ZNF536: variants seen among roughly 807,000 people sequenced by gnomAD.
ZNF536 encodes zinc finger protein 536.
A neutral mutation model predicts 84.5 loss-of-function variants in ZNF536; 13 were observed. The ratio of observed to expected loss-of-function variants is 0.15; its 90% CI spans 0.10 to 0.24. ZNF536 has a LOEUF of 0.24. Among genes scored for constraint, ZNF536 ranks in the 10% least tolerant of loss-of-function variants. The probability of loss-of-function intolerance (pLI) is 1.00; values close to 1 mark genes in which losing one functional copy is unlikely to be tolerated. For synonymous variants in ZNF536, 811 were observed against 742.5 expected (o/e 1.09, Z -1.50); for missense variants, 1,536 against 1,747.5 (o/e 0.88, Z 2.16).
chr19:30,639,165 C>T (rs967084935), intron 1 of ZNF536, among the ~76,000 whole-genome samples: 13 of 152,082 alleles, frequency 8.5e-5, no homozygotes, highest in African/African-American at 3.1e-4. Flanking sequence ...TCAGACATGG[C>T]GTATACAAAT....
chr19:30,344,319 A>C (rs2047668973), intron 2 of ZNF536, among the ~76,000 whole-genome samples: 1 of 143,664 alleles, frequency 7.0e-6, no homozygotes, highest in Admixed American at 7.2e-5. Flanking sequence ...GGCCTCCTAT[A>C]ATCCCAGCTA....
intron 4 of ZNF536, among the ~76,000 whole-genome samples, chr19:30,550,300 G>A (rs1034920252): frequency 6.6e-6 from 1 of 152,204 alleles, no homozygotes; most frequent in East Asian, 1.9e-4. Context: ...AGGAATTCCA[G>A]ATTTCCGAAC....
intron 1 of ZNF536, among the ~76,000 whole-genome samples, chr19:30,251,463 T>G (rs1349176109): frequency 6.6e-6 from 1 of 152,172 alleles, no homozygotes; most frequent in East Asian, 1.9e-4. Context: ...TCACTAGTGT[T>G]CCTGCTGATG....
intron 1 of ZNF536, among the ~76,000 whole-genome samples, chr19:30,650,452 T>C (rs866243315): frequency 5.3e-5 from 8 of 152,210 alleles, no homozygotes; most frequent in African/African-American, 1.9e-4. Context: ...CCTGAAAATA[T>C]CTGTTTTTGT....
intron 1 of ZNF536, among the ~76,000 whole-genome samples, chr19:30,266,616 A>T (rs931907752): frequency 1.3e-5 from 2 of 152,106 alleles, no homozygotes; most frequent in South Asian, 2.1e-4. Context: ...TAAAAAGAAA[A>T]TTTTTTTAAG....
intron 1 of ZNF536, among the ~76,000 whole-genome samples, chr19:30,661,178 G>C (rs1424718086): frequency 6.6e-6 from 1 of 152,198 alleles, no homozygotes; most frequent in African/African-American, 2.4e-5. Context: ...TCAATTCAAA[G>C]GAAATCTTTT....
intron 3 of ZNF536, among the ~76,000 whole-genome samples, chr19:30,539,147 G>C (rs56735974): frequency 0.017 from 2,510 of 152,060 alleles, 77 homozygotes; most frequent in African/African-American, 0.057. Flanking sequence ...ACGCACACAG[G>C]AGATTTATAA....
chr19:30,231,838 G>A (rs2023076742), intron 1 of ZNF536, among the ~76,000 whole-genome samples: 1 of 152,134 alleles, frequency 6.6e-6, no homozygotes. Flanking sequence ...GTCTGTGTGT[G>A]CTGGGGAAGG....
At chr19:30,251,425 T>C (rs922335726) in intron 1 of ZNF536, among the ~76,000 whole-genome samples, 1 of 152,160 alleles carries the variant, frequency 6.6e-6, no homozygotes, top group Non-Finnish European at 1.5e-5. Context: ...TGACTTTTTC[T>C]ATAATGTGTT....
chr19:30,660,490 A>G (rs952134743), intron 1 of ZNF536, among the ~76,000 whole-genome samples: 3 of 152,244 alleles, frequency 2.0e-5, no homozygotes, highest in Admixed American at 1.3e-4. Context: ...GTTAAAATAT[A>G]TAAATGAAAG....
At chr19:30,466,977 A>G (rs1030232046) in intron 2 of ZNF536, among the ~76,000 whole-genome samples, 18 of 152,092 alleles carry the variant, frequency 1.2e-4, no homozygotes, top group African/African-American at 4.1e-4. Flanking sequence ...AGTAGCTGGG[A>G]TTACAGGTGC....
chr19:30,307,801 C>T (rs1370917807), intron 2 of ZNF536, among the ~76,000 whole-genome samples: 2 of 152,174 alleles, frequency 1.3e-5, no homozygotes, highest in Non-Finnish European at 2.9e-5. Context: ...GTTGTGGTGC[C>T]TGACATTTTC....
chr19:30,580,394 A>G (rs2046880085), intron 1 of ZNF536, among the ~76,000 whole-genome samples: 1 of 152,210 alleles, frequency 6.6e-6, no homozygotes, highest in Admixed American at 6.5e-5. Flanking sequence ...AGGCACTGGC[A>G]TCCAGAGTCT....
chr19:30,465,093 G>T (rs2148462715), intron 2 of ZNF536, among the ~76,000 whole-genome samples: 1 of 152,246 alleles, frequency 6.6e-6, no homozygotes, highest in Non-Finnish European at 1.5e-5. Flanking sequence ...CATTCATGAA[G>T]TACGGAGTTA....
intron 1 of ZNF536, among the ~76,000 whole-genome samples, chr19:30,569,170 A>G (rs2046450903): frequency 6.6e-6 from 1 of 152,186 alleles, no homozygotes; most frequent in Admixed American, 6.5e-5. Flanking sequence ...TGAAATCCCT[A>G]ATAATGAGTA....
chr19:30,570,762 C>T (rs1234779977), intron 1 of ZNF536, among the ~76,000 whole-genome samples: 8 of 152,120 alleles, frequency 5.3e-5, no homozygotes, highest in Non-Finnish European at 1.2e-4. Context: ...AATAAATATA[C>T]CCCTTTTTGT....
intron 1 of ZNF536, among the ~76,000 whole-genome samples, chr19:30,602,265 G>A (rs1466445927): frequency 6.6e-6 from 1 of 152,204 alleles, no homozygotes; most frequent in Admixed American, 6.5e-5. Flanking sequence ...ATCCTCATTG[G>A]ATGTCTGGAT....
intron 2 of ZNF536, among the ~76,000 whole-genome samples, chr19:30,307,208 G>T (rs139152798): frequency 1.3e-5 from 2 of 151,688 alleles, no homozygotes; most frequent in African/African-American, 4.8e-5. Flanking sequence ...TTATAACTTT[G>T]AAAAAACACT....
At chr19:30,355,683 T>C (rs1000254119) in intron 3 of ZNF536, among the ~76,000 whole-genome samples, 25 of 152,056 alleles carry the variant, frequency 1.6e-4, no homozygotes, top group Non-Finnish European at 3.4e-4. Context: ...CTGTTGGTAA[T>C]TGGGCTGTCA....
Sources: gnomAD v4.1 joint callset for allele counts (sites outside exome capture counted in the v4.1 genomes callset) on GRCh38, gnomAD v4.1.1 for gene constraint, MANE v1.5 for transcripts, NCBI Gene and HGNC (gene_info 2026-07-23, HGNC 2026-07-21) for gene names.